COL23A1: variants seen among roughly 807,000 people sequenced by gnomAD.
COL23A1 encodes collagen type XXIII alpha 1 chain, also known as collagen alpha-1(XXIII) chain.
Under a neutral mutation model 99.3 loss-of-function variants are expected in COL23A1, and 97 were observed. The observed-to-expected ratio is 0.98, with a 90% CI of 0.83 to 1.16. The LOEUF (loss-of-function observed/expected upper bound fraction) is 1.16, where lower values mean the gene tolerates loss of function less well. Ranked by LOEUF, COL23A1 falls within the 50% of genes most tolerant of loss-of-function variation. COL23A1 has a pLI of 0.00. For synonymous variants in COL23A1, 320 were observed against 308.2 expected (o/e 1.04, Z -0.40); for missense variants, 762 against 757.4 (o/e 1.01, Z -0.07).
intron 1 of COL23A1, among the ~76,000 whole-genome samples, chr5:178,572,148 G>A (rs1022288579): frequency 1.3e-5 from 2 of 150,212 alleles, no homozygotes; most frequent in African/African-American, 2.5e-5. Flanking sequence ...TGATGGAAGG[G>A]ATTAATGGCA....
intron 3 of COL23A1, 139 bp from the exon 4 acceptor site, chr5:178,290,508 G>A (rs1281239021): frequency 2.7e-6 from 3 of 1,130,818 alleles, no homozygotes; most frequent in South Asian, 1.3e-5. Context: ...TGCCATGGCT[G>A]TTTCCTGCCA....
intron 5 of COL23A1, among the ~76,000 whole-genome samples, chr5:178,272,917 C>A (rs1756374602): frequency 6.6e-6 from 1 of 152,216 alleles, no homozygotes; most frequent in South Asian, 2.1e-4. Flanking sequence ...CACACAGCAA[C>A]CCTGTAAGGT....
intron 2 of COL23A1, among the ~76,000 whole-genome samples, chr5:178,552,445 G>A (rs1581623546): frequency 6.6e-6 from 1 of 152,108 alleles, no homozygotes; most frequent in Non-Finnish European, 1.5e-5. Context: ...CAAGGTAGCT[G>A]CCTTATAGGC....
intron 1 of COL23A1, among the ~76,000 whole-genome samples, chr5:178,566,654 A>G (rs1762855875): frequency 6.6e-6 from 1 of 152,064 alleles, no homozygotes; most frequent in South Asian, 2.1e-4. Flanking sequence ...CCTCTCTACT[A>G]AAAATATAAA....
intron 5 of COL23A1, among the ~76,000 whole-genome samples, chr5:178,283,262 C>A (rs933988644): frequency 6.6e-6 from 1 of 152,138 alleles, no homozygotes; most frequent in African/African-American, 2.4e-5. Context: ...CTACTTGGTG[C>A]AGCTCTGGGA....
intron 2 of COL23A1, among the ~76,000 whole-genome samples, chr5:178,452,990 G>A (rs1400789801): frequency 3.3e-5 from 5 of 152,202 alleles, no homozygotes; most frequent in African/African-American, 1.2e-4. Context: ...GATGGCAAAA[G>A]AGTGGACACA....
At chr5:178,317,606 CTTTG>C (rs1455038238) in intron 2 of COL23A1, among the ~76,000 whole-genome samples, 1 of 152,194 alleles carries the variant, frequency 6.6e-6, no homozygotes, top group Non-Finnish European at 1.5e-5. Context: ...ACAGACCATG[CTTTG>C]TTTTTCTTAT....
chr5:178,424,352 C>T (rs922487963), intron 2 of COL23A1, among the ~76,000 whole-genome samples: 3 of 152,234 alleles, frequency 2.0e-5, no homozygotes, highest in African/African-American at 7.2e-5. Flanking sequence ...TTGGGCCTGC[C>T]CGCCCAGCAT....
chr5:178,249,921 A>C (rs1042966900), intron 18 of COL23A1, 140 bp downstream of exon 18: 2 of 1,216,778 alleles, frequency 1.6e-6, no homozygotes, highest in African/African-American at 3.0e-5. Context: ...GCCTGGTGCC[A>C]AAATCCATGA....
chr5:178,495,993 G>C (rs987859592), intron 2 of COL23A1, among the ~76,000 whole-genome samples: 3 of 152,138 alleles, frequency 2.0e-5, no homozygotes, highest in Non-Finnish European at 2.9e-5. Flanking sequence ...AGAGAGATAC[G>C]AACCAGGCAG....
chr5:178,353,939 TAAAAA>T (rs74274474), intron 2 of COL23A1, among the ~76,000 whole-genome samples: 1 of 142,598 alleles, frequency 7.0e-6, no homozygotes, highest in Admixed American at 7.0e-5. Context: ...ACCGTTGAGT[TAAAAA>T]AAAAAAAAAA....
intron 2 of COL23A1, among the ~76,000 whole-genome samples, chr5:178,322,564 C>T (rs1759384929): frequency 6.6e-6 from 1 of 150,692 alleles, no homozygotes; most frequent in South Asian, 2.1e-4. Context: ...CGAGCTGGCT[C>T]CTGCCTGGGG....
chr5:178,271,052 G>C (rs893951161), intron 5 of COL23A1, among the ~76,000 whole-genome samples: 6 of 152,174 alleles, frequency 3.9e-5, no homozygotes, highest in African/African-American at 1.4e-4. Context: ...AATCACACCA[G>C]GGTGGGTCCA....
At chr5:178,509,885 CAT>C (rs1376896652) in intron 2 of COL23A1, among the ~76,000 whole-genome samples, 3 of 152,156 alleles carry the variant, frequency 2.0e-5, no homozygotes, top group Non-Finnish European at 2.9e-5. Context: ...AACCATAAAT[CAT>C]GTGTTATTAT....
rs1033152143 is a variant in COL23A1 at position 178,384,768 on chromosome 5, C to T, written c.362-77849G>A. Among the ~76,000 whole-genome samples, 1 of 152,230 alleles carries T rather than the reference C, an allele frequency of 6.6e-6. No individual in the cohort carries two copies. Among genetic ancestry groups the T allele is most frequent in the African/African-American group, 2.4e-5 (1 of 41,464 alleles). ...AACAGCCACCACGACCCTTGTACCA[C>T]CCGGGGACGGCCCAGAACAGCCTGG... On this transcript the variant is annotated intron_variant, in intron 2 of 28. Coordinates refer to ENST00000390654, the MANE Select transcript of COL23A1 (RefSeq NM_173465.4). This position sits in a 1 kb window ranked among gnomAD's most constrained non-coding sequence, Gnocchi z 5.5.
rs746580748 is a variant in COL23A1, at chr5:178,247,795, G to A, written c.1249C>T (p.Pro417Ser). The A allele has an allele frequency of 1.9e-6, 3 of 1,613,566 alleles. No individual in the cohort carries two copies. The highest frequency in any genetic ancestry group is 1.3e-5 in the African/African-American group (1 of 75,018). Residue 417 changes from proline (P) to serine (S), a missense_variant, in exon 21 of 29, where the codon CCT becomes TCT. Pro to Ser is a moderately conservative substitution (Grantham distance 74). Coordinates refer to ENST00000390654, the MANE Select transcript of COL23A1 (RefSeq NM_173465.4). ...CTTACCATCGGGCCTGGGGGGCCAGGGGGGCCAGGGGGCCCTGGCTCCACT... is the reference window on the plus strand; with the variant it reads ...CTTACCATCGGGCCTGGGGGGCCAGAGGGGCCAGGGGGCCCTGGCTCCACT... ...LIVEPGPPGP[P>S]GPPGPMGLQG...
At chr5:178,442,386 CAT>C (rs1373709368) in intron 2 of COL23A1, among the ~76,000 whole-genome samples, 1 of 152,330 alleles carries the variant, frequency 6.6e-6, no homozygotes, top group African/African-American at 2.4e-5. Flanking sequence ...GCCATCTCCA[CAT>C]GATTTAAAAT....
chr5:178,470,388 C>T (rs1756676518), intron 2 of COL23A1, among the ~76,000 whole-genome samples: 2 of 152,188 alleles, frequency 1.3e-5, no homozygotes, highest in African/African-American at 4.8e-5. Context: ...GGAAACCCAC[C>T]GCCAATTAGA....
chr5:178,548,779 A>C (rs1249322809), intron 2 of COL23A1, among the ~76,000 whole-genome samples: 1 of 152,136 alleles, frequency 6.6e-6, no homozygotes, highest in Non-Finnish European at 1.5e-5. Context: ...ACTTATTTTC[A>C]AACTTAAGGT....
Sources: gnomAD v4.1 joint callset for allele counts (sites outside exome capture counted in the v4.1 genomes callset) on GRCh38, gnomAD v4.1.1 for gene constraint, Gnocchi (gnomAD v3.1) non-coding constraint, MANE v1.5 for transcripts, NCBI Gene and HGNC (gene_info 2026-07-23, HGNC 2026-07-21) for gene names.